RPL11: variants seen among roughly 807,000 people sequenced by gnomAD.
RPL11 encodes large ribosomal subunit protein uL5.
A neutral mutation model predicts 24.1 loss-of-function variants in RPL11; 3 were observed. That is an observed-to-expected ratio of 0.12 (90% CI 0.06 to 0.32). The LOEUF (loss-of-function observed/expected upper bound fraction) is 0.32, where lower values mean the gene tolerates loss of function less well. Ranked by LOEUF, RPL11 falls within the 10% of genes least tolerant of loss-of-function variation. RPL11 has a pLI of 1.00. For missense variants in RPL11, 146 were observed against 225.7 expected (o/e 0.65, Z 2.26); for synonymous variants, 96 against 75.7 (o/e 1.27, Z -1.39).
At position 23,696,569 on chromosome 1, in the gene RPL11, A is replaced by G. The variant is rs555441601; in HGVS notation, c.*196A>G. 5.7e-5 allele frequency: 37 copies of G among 647,504 alleles called. No individual in the cohort carries two copies. The highest frequency in any genetic ancestry group is 9.7e-5 in the Non-Finnish European group (35 of 359,898). 40.1% of individuals were successfully genotyped at this position (647,504 alleles called of 1,614,324 possible). On this transcript the variant is annotated 3_prime_UTR_variant, in exon 6 of 6. Coordinates refer to ENST00000643754, the MANE Select transcript of RPL11 (RefSeq NM_000975.5). ...GTATTTCCTGGCAGATCCAAGTCCA[A>G]GCTTCATAGCATTCATTGCCTGTGC...
intron 2 of RPL11, among the ~76,000 whole-genome samples, chr1:23,693,559 C>A (rs1328539174): frequency 1.3e-5 from 2 of 152,164 alleles, no homozygotes; most frequent in South Asian, 4.1e-4. Context: ...CTTGCCCTTC[C>A]TGGAACTTCG....
chr1:23,691,799 C>T (rs375164888), upstream of RPL11: 2 of 1,614,140 alleles, frequency 1.2e-6, no homozygotes, highest in South Asian at 1.1e-5. Flanking sequence ...GCCGGAAGCT[C>T]CGCTTTCTCT....
intron 1 of RPL11, 70 bp from the exon 2 acceptor site, chr1:23,692,539 C>T (rs1383868863): frequency 5.1e-6 from 8 of 1,583,080 alleles, no homozygotes; most frequent in Non-Finnish European, 6.9e-6. Flanking sequence ...AAATGCTGTG[C>T]AGATAGAAAG....
intron 1 of RPL11, chr1:23,692,157 C>T (rs113189984): frequency 3.3e-5 from 17 of 516,058 alleles, no homozygotes; most frequent in African/African-American, 1.7e-4. Context: ...GAGACTTGCT[C>T]GGTGCTAGGA....
At chr1:23,692,492 C>G (rs1185480139) in intron 1 of RPL11, 117 bp from the exon 2 acceptor site, 37 of 1,323,554 alleles carry the variant, frequency 2.8e-5, no homozygotes, top group Non-Finnish European at 3.7e-5. Context: ...TTTAAACATT[C>G]AGGGTCTTCG....
chr1:23,695,773 T>TCAA, intron 4 of RPL11, 25 bp from the exon 5 acceptor site: 1 of 1,562,276 alleles, frequency 6.4e-7, no homozygotes, highest in Non-Finnish European at 8.7e-7. Flanking sequence ...GCTGGCTAGG[T>TCAA]GACTGTTGGT....
At chr1:23,694,017 TTTAC>T (rs1644518496) in intron 3 of RPL11, 104 bp downstream of exon 3, 2 of 893,426 alleles carry the variant, frequency 2.2e-6, no homozygotes, top group South Asian at 1.4e-5. Flanking sequence ...TTGATATTTA[TTTAC>T]TTAAGCTTCT....
chr1:23,692,527 A>G lies in RPL11; in HGVS notation c.7-82A>G. On this transcript the variant is annotated intron_variant, in intron 1 of 5. Transcript: ENST00000643754. ...GTTACGATTTGGGATGAGCAGAAAT[A>G]AAAATGCTGTGCAGATAGAAAGTAG... The G allele has an allele frequency of 1.9e-6, 3 of 1,566,574 alleles. No individual in the cohort carries two copies. The East Asian group carries it at 6.7e-5, about 35-fold the overall frequency.
At chr1:23,691,943 G>A in intron 1 of RPL11, 114 bp downstream of exon 1, 1 of 1,388,302 alleles carries the variant, frequency 7.2e-7, no homozygotes, top group Non-Finnish European at 1.0e-6. Context: ...CGCAATGCCT[G>A]CTGGCCCAAA....
chr1:23,696,675 T>C lies in RPL11; in HGVS notation c.*302T>C. The C allele has an allele frequency of 2.0e-6, 1 of 503,440 alleles. No homozygotes were observed. The highest frequency in any genetic ancestry group is 3.6e-6 in the Non-Finnish European group (1 of 276,924). The allele number at this position is 503,440 out of a possible 1,614,324, so 31.2% of individuals were successfully genotyped here. ...TTTGGTTGATGTTGGGGTTTGAATT[T>C]AGAGCCTTGGTTAAGCAGGGTGCAG... On this transcript the variant is annotated 3_prime_UTR_variant, in exon 6 of 6. Transcript: ENST00000643754.
chr1:23,694,903 G>C, intron 4 of RPL11, 112 bp downstream of exon 4: 1 of 1,531,172 alleles, frequency 6.5e-7, no homozygotes, highest in Non-Finnish European at 9.0e-7. Flanking sequence ...AATATTGTCT[G>C]CCTTTGTGTT....
rs542510490 is a variant in RPL11 at position 23,692,470 on chromosome 1, A to G, written c.7-139A>G. ...TGTCTTCTTCCCTTGATGTCCCCTA[A>G]ACATTATACCTTTTAAACATTCAGG... On this transcript the variant is annotated intron_variant, in intron 1 of 5. Coordinates refer to ENST00000643754, the MANE Select transcript of RPL11 (RefSeq NM_000975.5). The G allele has an allele frequency of 1.1e-4, 119 of 1,116,288 alleles. No individual in the cohort carries two copies. The African/African-American group carries it at 1.6e-3, about 15-fold the overall frequency. The allele number at this position is 1,116,288 out of a possible 1,614,324, so 69.1% of individuals were successfully genotyped here. A position where few individuals can be genotyped will look rare whatever the true frequency, so the allele number is the denominator to read the frequency against.
In RPL11 at chr1:23,695,920, T is replaced by C; in HGVS notation, c.507+12T>C. The C allele has an allele frequency of 6.4e-7, 1 of 1,562,886 alleles. No individual in the cohort carries two copies. Among genetic ancestry groups the C allele is most frequent in the Non-Finnish European group, 8.7e-7 (1 of 1,152,368 alleles). On this transcript the variant is annotated intron_variant, in intron 5 of 5. Transcript: ENST00000643754. ...GGTTCCAGCAGAAGGTAAAGCTGAT[T>C]TATCTCAAGTGAAGTGGTGGAATGT...
chr1:23,695,551 C>T, intron 4 of RPL11: 1 of 542,518 alleles, frequency 1.8e-6, no homozygotes, highest in Non-Finnish European at 3.3e-6. Flanking sequence ...GGATCCTCAG[C>T]ACCACTGGAA....
Position 23,693,796 on chromosome 1 carries a change from A to G in RPL11, c.158-11A>G, listed in dbSNP as rs1644516545. On this transcript the variant is annotated splice_polypyrimidine_tract_variant and intron_variant, in intron 2 of 5. Coordinates refer to ENST00000643754, the MANE Select transcript of RPL11 (RefSeq NM_000975.5). ...GATGGCATCTGACTCCTTGTTACCC[A>G]CTTCCTGCAGCTAGATACACTGTCA... The G allele has an allele frequency of 6.2e-7, 1 of 1,609,268 alleles. No individual in the cohort carries two copies. The highest frequency in any genetic ancestry group is 8.5e-7 in the Non-Finnish European group (1 of 1,175,824).
rs961312927 is a variant in RPL11, at chr1:23,696,236, G to C, written c.508-108G>C. 1.5e-5 allele frequency: 16 copies of C among 1,086,302 alleles called. No individual in the cohort carries two copies. In the African/African-American group the frequency reaches 2.5e-4, roughly 17 times the overall value. The allele number at this position is 1,086,302 out of a possible 1,614,324, so 67.3% of individuals were successfully genotyped here. ...TTAGTCCAGAAAAGGATGGGATTCA[G>C]AGCCCAAGTTCATGTATCAATCAGA... On this transcript the variant is annotated intron_variant, in intron 5 of 5. Transcript: ENST00000643754.
Position 23,696,487 on chromosome 1 carries a change from T to C in RPL11, c.*114T>C. On this transcript the variant is annotated 3_prime_UTR_variant, in exon 6 of 6. Coordinates refer to ENST00000643754, the MANE Select transcript of RPL11 (RefSeq NM_000975.5). ...TTCAAGTCCTTGGACCTCAAGCCAC[T>C]TAAAGCTTCGATGGGAGTAGCTGGT... 9.4e-7 allele frequency: 1 copy of C among 1,058,934 alleles called. No individual in the cohort carries two copies. The highest frequency in any genetic ancestry group is 1.5e-6 in the Non-Finnish European group (1 of 688,376). The allele number at this position is 1,058,934 out of a possible 1,614,324, so 65.6% of individuals were successfully genotyped here.
In RPL11 at chr1:23,696,830, A is replaced by G; in HGVS notation, c.*457A>G. 3 of 222,118 alleles carry G rather than the reference A, an allele frequency of 1.4e-5. No individual in the cohort carries two copies. The South Asian group carries it at 2.1e-4, about 16-fold the overall frequency. The allele number at this position is 222,118 out of a possible 1,614,324, so 13.8% of individuals were successfully genotyped here. A position where few individuals can be genotyped will look rare whatever the true frequency, so the allele number is the denominator to read the frequency against. On this transcript the variant is annotated 3_prime_UTR_variant, in exon 6 of 6. Coordinates refer to ENST00000643754, the MANE Select transcript of RPL11 (RefSeq NM_000975.5). Reference sequence around the variant, plus strand: ...ATGGTTGAGATTAAATTTAGACTTAACTGTTCAGGCTCAGGTTTCTTTTAC... The same window carrying G: ...ATGGTTGAGATTAAATTTAGACTTAGCTGTTCAGGCTCAGGTTTCTTTTAC...
At chr1:23,694,576 G>A in intron 3 of RPL11, 84 bp from the exon 4 acceptor site, 1 of 1,585,632 alleles carries the variant, frequency 6.3e-7, no homozygotes, top group Non-Finnish European at 8.6e-7. Context: ...GGTGCATGTT[G>A]CAGGCTGAGC....
Sources: allele counts gnomAD v4.1 joint callset (sites outside exome capture counted in the v4.1 genomes callset), GRCh38; gene constraint gnomAD v4.1.1; transcripts MANE v1.5; gene names NCBI Gene and HGNC (gene_info 2026-07-23, HGNC 2026-07-21).